SPAG16: variants seen among roughly 807,000 people sequenced by gnomAD.
The protein encoded by SPAG16 is sperm associated antigen 16, also known as sperm-associated antigen 16 protein.
Under a neutral mutation model 80.4 loss-of-function variants are expected in SPAG16, and 86 were observed. The ratio of observed to expected loss-of-function variants is 1.07; its 90% CI spans 0.90 to 1.28. SPAG16 has a LOEUF of 1.28. Among genes scored for constraint, SPAG16 ranks in the 50% most tolerant of loss-of-function variants. SPAG16 has a pLI of 0.00. For synonymous variants in SPAG16, 294 were observed against 265.9 expected, an observed-to-expected ratio of 1.11 and a Z score of -1.03; for missense variants, 870 against 765.3, an observed-to-expected ratio of 1.14 and a Z score of -1.61.
chr2:213,863,263 G>C (rs1390001310), intron 11 of SPAG16, among the ~76,000 whole-genome samples: 1 of 152,014 alleles, frequency 6.6e-6, no homozygotes, highest in Non-Finnish European at 1.5e-5. Context: ...ATACTTCTTG[G>C]ATCTGCTTCG....
At chr2:214,048,828 A>G (rs757837951) in intron 13 of SPAG16, among the ~76,000 whole-genome samples, 1 of 152,166 alleles carries the variant, frequency 6.6e-6, no homozygotes, top group South Asian at 2.1e-4. Context: ...ATATACACCT[A>G]TGTACCTACA....
chr2:213,493,994 G>A lies in SPAG16; in HGVS notation c.1070+3904G>A, dbSNP rs543093952. Among the ~76,000 whole-genome samples, 9 of 151,918 alleles carry A rather than the reference G, an allele frequency of 5.9e-5. No individual in the cohort carries two copies. In the South Asian group the frequency reaches 8.3e-4, roughly 14 times the overall value. On this transcript the variant is annotated intron_variant, in intron 10 of 15. Coordinates refer to ENST00000331683, the MANE Select transcript of SPAG16 (RefSeq NM_024532.5). ...TCTTGCCGGTCATTAGCCACTCCCCGTGTCCACCACCAGTCATCACTCACT... is the reference window on the plus strand; with the variant it reads ...TCTTGCCGGTCATTAGCCACTCCCCATGTCCACCACCAGTCATCACTCACT...
chr2:214,097,910 TG>T (rs1411791919), intron 13 of SPAG16, among the ~76,000 whole-genome samples: 2 of 152,002 alleles, frequency 1.3e-5, no homozygotes, highest in East Asian at 3.9e-4. Context: ...ATCCCCAAAA[TG>T]GCACTATCAT....
intron 11 of SPAG16, among the ~76,000 whole-genome samples, chr2:213,882,034 T>G (rs2076363724): frequency 6.6e-6 from 1 of 152,202 alleles, no homozygotes; most frequent in African/African-American, 2.4e-5. Context: ...AGAGTTTTTA[T>G]TATAAAGGGA....
chr2:213,843,576 C>T (rs1277374692), intron 10 of SPAG16, among the ~76,000 whole-genome samples: 4 of 152,022 alleles, frequency 2.6e-5, no homozygotes, highest in African/African-American at 7.2e-5. Context: ...CTAGGCCGGG[C>T]GAGGTGGCTC....
intron 15 of SPAG16, among the ~76,000 whole-genome samples, chr2:214,243,723 C>A (rs933864313): frequency 6.6e-6 from 1 of 151,906 alleles, no homozygotes; most frequent in African/African-American, 2.4e-5. Flanking sequence ...TGATTACAGG[C>A]AAATAATTTC....
intron 9 of SPAG16, among the ~76,000 whole-genome samples, chr2:213,477,666 C>G (rs1012362191): frequency 6.6e-6 from 1 of 152,096 alleles, no homozygotes; most frequent in Non-Finnish European, 1.5e-5. Context: ...GTCTGTACTC[C>G]CATTGTACCT....
At chr2:213,289,751 G>A (rs898503265) in intron 1 of SPAG16, among the ~76,000 whole-genome samples, 4 of 152,172 alleles carry the variant, frequency 2.6e-5, no homozygotes, top group African/African-American at 9.7e-5. Flanking sequence ...GTGATGGCAA[G>A]GATTACAAAA....
chr2:213,985,413 CAAAAGG>C (rs1311486643), intron 12 of SPAG16, among the ~76,000 whole-genome samples: 1 of 152,004 alleles, frequency 6.6e-6, no homozygotes, highest in Admixed American at 6.6e-5. Context: ...CTTACAAAAG[CAAAAGG>C]AAAATAGTTT....
intron 10 of SPAG16, among the ~76,000 whole-genome samples, chr2:213,610,313 A>T (rs758916592): frequency 1.3e-5 from 2 of 152,178 alleles, no homozygotes; most frequent in Non-Finnish European, 2.9e-5. Context: ...GGCTTGATGT[A>T]GCCAGGTTTT....
intron 9 of SPAG16, among the ~76,000 whole-genome samples, chr2:213,467,504 A>G (rs986344686): frequency 6.6e-6 from 1 of 152,158 alleles, no homozygotes; most frequent in South Asian, 2.1e-4. Context: ...TGGTTGGGAA[A>G]AATATCAGGT....
intron 13 of SPAG16, among the ~76,000 whole-genome samples, chr2:214,067,540 G>T (rs2050587571): frequency 6.6e-6 from 1 of 151,684 alleles, no homozygotes; most frequent in African/African-American, 2.4e-5. Context: ...TTCAGGAGAG[G>T]TATTACTATT....
At chr2:214,048,219 G>T (rs976821053) in intron 13 of SPAG16, among the ~76,000 whole-genome samples, 1 of 152,138 alleles carries the variant, frequency 6.6e-6, no homozygotes, top group Non-Finnish European at 1.5e-5. Flanking sequence ...GGAAATCAGT[G>T]TATAGAGGAG....
intron 10 of SPAG16, among the ~76,000 whole-genome samples, chr2:213,801,770 G>A (rs560958355): frequency 3.3e-5 from 5 of 152,140 alleles, no homozygotes; most frequent in African/African-American, 4.8e-5. Flanking sequence ...CTGAATTTAC[G>A]TGTCAATATG....
intron 10 of SPAG16, among the ~76,000 whole-genome samples, chr2:213,566,202 C>T (rs1383376418): frequency 6.6e-6 from 1 of 151,978 alleles, no homozygotes; most frequent in African/African-American, 2.4e-5. Context: ...GTGGTTAGGT[C>T]GTTGGAGGAA....
chr2:214,072,783 A>T (rs550522088), intron 13 of SPAG16, among the ~76,000 whole-genome samples: 2 of 152,274 alleles, frequency 1.3e-5, no homozygotes, highest in South Asian at 4.1e-4. Context: ...AGGACTTTTT[A>T]AAAAATGTTT....
At chr2:214,281,340 A>T in intron 15 of SPAG16, 1 of 206,180 alleles carries the variant, frequency 4.9e-6, no homozygotes, top group Non-Finnish European at 1.0e-5. Context: ...TTTATCCTGT[A>T]TCACCAAGCG....
chr2:214,268,441 T>C (rs980278414), intron 15 of SPAG16, among the ~76,000 whole-genome samples: 10 of 151,974 alleles, frequency 6.6e-5, no homozygotes, highest in Admixed American at 5.3e-4. Flanking sequence ...AAATGTAATA[T>C]ATTTACACAA....
chr2:214,012,028 C>G (rs1376994842), intron 12 of SPAG16, among the ~76,000 whole-genome samples: 2 of 151,586 alleles, frequency 1.3e-5, no homozygotes, highest in Non-Finnish European at 2.9e-5. Flanking sequence ...TAATTTCATT[C>G]ACACAAGAAG....
Sources: allele counts gnomAD v4.1 joint callset (sites outside exome capture counted in the v4.1 genomes callset), GRCh38; gene constraint gnomAD v4.1.1; transcripts MANE v1.5; gene names NCBI Gene and HGNC (gene_info 2026-07-23, HGNC 2026-07-21).